The following GALNT13 variants were observed in gnomAD, a reference collection of about 807,000 sequenced individuals.
GALNT13 encodes polypeptide N-acetylgalactosaminyltransferase 13, also known as UDP-GalNAc:polypeptide N-acetylgalactosaminyltransferase 13.
In GALNT13, 28 loss-of-function variants were observed where a neutral mutation model predicts 64.2. The observed-to-expected ratio is 0.44, with a 90% CI of 0.32 to 0.60. The LOEUF (loss-of-function observed/expected upper bound fraction) is 0.60. Among genes scored for constraint, GALNT13 ranks in the 20% least tolerant of loss-of-function variants. The pLI is 0.05. For missense variants in GALNT13, 577 were observed against 669.8 expected (o/e 0.86, Z 1.53); for synonymous variants, 214 against 224.6 (o/e 0.95, Z 0.42).
chr2:153,825,335 G>C, the GALNT13 span, among the ~76,000 whole-genome samples: 1 of 152,112 alleles, frequency 6.6e-6, no homozygotes, highest in East Asian at 1.9e-4. Flanking sequence ...CAGTTTTAAA[G>C]GGAATATACA....
intron 8 of GALNT13, among the ~76,000 whole-genome samples, chr2:154,285,311 T>A (rs1054555789): frequency 1.3e-5 from 2 of 152,164 alleles, no homozygotes; most frequent in African/African-American, 2.4e-5. Flanking sequence ...ATCATGGAGT[T>A]TTTTCCCCAT....
At chr2:154,440,783 TAATA>T (rs758883857) in intron 12 of GALNT13, among the ~76,000 whole-genome samples, 86 of 152,286 alleles carry the variant, frequency 5.6e-4, no homozygotes, top group Admixed American at 1.6e-3. Context: ...GGTCATAATC[TAATA>T]AATGACATGA....
intron 3 of GALNT13, among the ~76,000 whole-genome samples, chr2:154,010,933 G>A (rs1696592796): frequency 6.6e-6 from 1 of 151,238 alleles, no homozygotes; most frequent in Non-Finnish European, 1.5e-5. Flanking sequence ...ATTTCTATGG[G>A]GTCAGTGATA....
the GALNT13 span, among the ~76,000 whole-genome samples, chr2:153,663,727 C>T: frequency 6.6e-6 from 1 of 152,180 alleles, no homozygotes; most frequent in Non-Finnish European, 1.5e-5. Flanking sequence ...CTACATAGTG[C>T]CTTGCTAATT....
At chr2:154,023,337 G>C (rs1697678731) in intron 3 of GALNT13, among the ~76,000 whole-genome samples, 1 of 152,178 alleles carries the variant, frequency 6.6e-6, no homozygotes, top group Non-Finnish European at 1.5e-5. Flanking sequence ...AAGTCTCTTT[G>C]TAGGTCACTA....
chr2:154,296,508 AC>A (rs953868619), intron 8 of GALNT13, among the ~76,000 whole-genome samples: 4 of 152,170 alleles, frequency 2.6e-5, no homozygotes, highest in African/African-American at 9.7e-5. Context: ...TTTACCAAAC[AC>A]CTTGCATTTT....
intron 3 of GALNT13, among the ~76,000 whole-genome samples, chr2:154,067,919 T>C (rs903568457): frequency 2.4e-5 from 3 of 125,772 alleles, no homozygotes; most frequent in Non-Finnish European, 5.3e-5. Context: ...ATCAACAAAG[T>C]GGGAAGACAA....
chr2:153,772,315 T>C, the GALNT13 span, among the ~76,000 whole-genome samples: 126 of 152,310 alleles, frequency 8.3e-4, 3 homozygotes, highest in Middle Eastern at 0.02. Flanking sequence ...GCTTTTCCCA[T>C]TATCTTTTCC....
chr2:153,942,035 T>C (rs1400200750), intron 2 of GALNT13, among the ~76,000 whole-genome samples: 1 of 152,176 alleles, frequency 6.6e-6, no homozygotes, highest in Non-Finnish European at 1.5e-5. Flanking sequence ...ACCTCAACTG[T>C]TAGGCTTTTA....
chr2:153,483,201 A>C, the GALNT13 span, among the ~76,000 whole-genome samples: 1 of 152,128 alleles, frequency 6.6e-6, no homozygotes, highest in Non-Finnish European at 1.5e-5. Flanking sequence ...ATTACCACAT[A>C]ATCCAGCAAT....
the GALNT13 span, among the ~76,000 whole-genome samples, chr2:153,471,625 C>A: frequency 6.6e-6 from 1 of 152,082 alleles, no homozygotes; most frequent in African/African-American, 2.4e-5. Flanking sequence ...TTTTCATTGA[C>A]CTTCTTCAAA....
chr2:153,904,074 A>G lies in GALNT13; in HGVS notation c.-105+3067A>G, dbSNP rs118052187. 5.6e-3 allele frequency among the ~76,000 whole-genome samples: 859 copies of G among 152,148 alleles called. 11 individuals are homozygous for G. The highest frequency in any genetic ancestry group is 0.055 in the East Asian group (285 of 5,178). On this transcript the variant is annotated intron_variant, in intron 2 of 12. Coordinates refer to ENST00000392825, the MANE Select transcript of GALNT13 (RefSeq NM_052917.4). ...TTAAATTAATGTACATAATATTCAT[A>G]TGACACACATTCTTCAGTGTATGGT... is the stretch of plus-strand genomic sequence containing the variant.
chr2:153,630,799 ATATATATATTTTTTTT>A, the GALNT13 span, among the ~76,000 whole-genome samples: 32 of 16,160 alleles, frequency 2.0e-3, no homozygotes, highest in Non-Finnish European at 3.1e-3. Flanking sequence ...ATATATATAT[ATATATATATTTTTTTT>A]TTTTTTTTTA....
chr2:153,687,022 G>C, the GALNT13 span, among the ~76,000 whole-genome samples: 2 of 151,902 alleles, frequency 1.3e-5, no homozygotes, highest in African/African-American at 4.8e-5. Context: ...CCTTTTGATG[G>C]GTTGCTGAAT....
chr2:153,442,588 G>T, the GALNT13 span, among the ~76,000 whole-genome samples: 2 of 152,104 alleles, frequency 1.3e-5, no homozygotes, highest in African/African-American at 4.8e-5. Flanking sequence ...GGCTTTTCTT[G>T]GTTGATAAAT....
the GALNT13 span, among the ~76,000 whole-genome samples, chr2:153,748,780 G>A: frequency 6.6e-6 from 1 of 151,832 alleles, no homozygotes; most frequent in African/African-American, 2.4e-5. Context: ...AACTTGATAT[G>A]ATCCCATTTG....
the GALNT13 span, among the ~76,000 whole-genome samples, chr2:153,690,422 G>A: frequency 6.6e-6 from 1 of 152,176 alleles, no homozygotes; most frequent in South Asian, 2.1e-4. Flanking sequence ...TTTGAAGCTG[G>A]GTTCAAGATT....
chr2:153,431,098 C>T, the GALNT13 span, among the ~76,000 whole-genome samples: 20 of 148,886 alleles, frequency 1.3e-4, no homozygotes, highest in African/African-American at 4.5e-4. Flanking sequence ...TGCAGTGAGC[C>T]GAGATTGTGC....
chr2:153,201,393 A>C, the GALNT13 span, among the ~76,000 whole-genome samples: 1 of 152,220 alleles, frequency 6.6e-6, no homozygotes, highest in Non-Finnish European at 1.5e-5. Flanking sequence ...TAAACAATAG[A>C]TTGATCTGCA....
Sources: allele counts gnomAD v4.1 joint callset (sites outside exome capture counted in the v4.1 genomes callset), GRCh38; gene constraint gnomAD v4.1.1; transcripts MANE v1.5; gene names NCBI Gene and HGNC (gene_info 2026-07-23, HGNC 2026-07-21).